The following MGAT4C variants were observed in gnomAD, a reference collection of about 807,000 sequenced individuals.
MGAT4C encodes alpha-1,3-mannosyl-glycoprotein 4-beta-N-acetylglucosaminyltransferase C.
A neutral mutation model predicts 40.1 loss-of-function variants in MGAT4C; 19 were observed. That is an observed-to-expected ratio of 0.47 (90% confidence interval 0.33 to 0.70). The LOEUF (loss-of-function observed/expected upper bound fraction) is 0.70, where lower values mean the gene tolerates loss of function less well. Among genes scored for constraint, MGAT4C ranks in the 30% least tolerant of loss-of-function variants. The probability of loss-of-function intolerance (pLI) is 0.02; values close to 1 mark genes in which losing one functional copy is unlikely to be tolerated. For missense variants in MGAT4C, 491 were observed against 563.2 expected, an observed-to-expected ratio of 0.87 and a Z score of 1.30; for synonymous variants, 181 against 187.1, an observed-to-expected ratio of 0.97 and a Z score of 0.27.
At chr12:86,380,259 T>TA (rs1955903803) in intron 3 of MGAT4C, among the ~76,000 whole-genome samples, 1 of 152,072 alleles carries the variant, frequency 6.6e-6, no homozygotes, top group African/African-American at 2.4e-5. Flanking sequence ...ACACTGACAT[T>TA]AAAAATAACA....
intron 1 of MGAT4C, among the ~76,000 whole-genome samples, chr12:86,243,514 A>G (rs1210250902): frequency 1.3e-5 from 2 of 152,216 alleles, no homozygotes; most frequent in African/African-American, 4.8e-5. Context: ...AGACTATGTA[A>G]GATTCCATTT....
intron 2 of MGAT4C, among the ~76,000 whole-genome samples, chr12:86,696,214 G>GAA (rs367726480): frequency 3.5e-5 from 5 of 144,024 alleles, no homozygotes; most frequent in Admixed American, 1.4e-4. Flanking sequence ...GTGAGACTCA[G>GAA]AAAAAAAAAA....
intron 4 of MGAT4C, among the ~76,000 whole-genome samples, chr12:86,327,581 T>C (rs1954556178): frequency 6.6e-6 from 1 of 152,060 alleles, no homozygotes; most frequent in African/African-American, 2.4e-5. Flanking sequence ...ATAAATCAAA[T>C]TTGTTTAAGT....
chr12:86,562,272 T>C (rs1959904498), intron 2 of MGAT4C, among the ~76,000 whole-genome samples: 1 of 152,134 alleles, frequency 6.6e-6, no homozygotes, highest in Admixed American at 6.5e-5. Flanking sequence ...CAAGCTCTTA[T>C]GTGAGTGGCT....
In MGAT4C at chr12:86,005,152, C is replaced by T. The variant is rs372282708; in HGVS notation, c.-6-15600G>A. On this transcript the variant is annotated intron_variant, in intron 2 of 4. Transcript: ENST00000611864. ...TGCCTTGTGTCTCCTTGCCAATAAA[C>T]TCATGATAAAACCTTTATTTTCTCA... 2.0e-5 allele frequency among the ~76,000 whole-genome samples: 3 copies of T among 152,286 alleles called. No homozygotes were observed. In the South Asian group the frequency reaches 6.2e-4, roughly 32 times the overall value.
chr12:86,126,728 T>C (rs1175924752), intron 1 of MGAT4C, among the ~76,000 whole-genome samples: 1 of 152,176 alleles, frequency 6.6e-6, no homozygotes, highest in African/African-American at 2.4e-5. Context: ...AACAGGAATA[T>C]GTTCTGAGAA....
At chr12:86,004,394 T>A (rs953207899) in intron 2 of MGAT4C, among the ~76,000 whole-genome samples, 1 of 152,168 alleles carries the variant, frequency 6.6e-6, no homozygotes, top group Non-Finnish European at 1.5e-5. Context: ...ATAGCCAAAT[T>A]ATCTTGTCAT....
intron 1 of MGAT4C, among the ~76,000 whole-genome samples, chr12:86,803,070 T>A (rs1952264852): frequency 7.1e-6 from 1 of 140,194 alleles, no homozygotes; most frequent in Non-Finnish European, 1.6e-5. Context: ...AACAGAGATA[T>A]AGATCAATGG....
intron 2 of MGAT4C, 63 bp from the exon 3 acceptor site, chr12:85,989,615 A>G (rs1308918728): frequency 7.0e-7 from 1 of 1,438,496 alleles, no homozygotes; most frequent in Non-Finnish European, 9.4e-7. Flanking sequence ...TCTTTATCGC[A>G]TATATAAAAG....
At chr12:86,523,255 C>T (rs569447393) in intron 2 of MGAT4C, among the ~76,000 whole-genome samples, 13 of 152,066 alleles carry the variant, frequency 8.5e-5, no homozygotes, top group Non-Finnish European at 1.6e-4. Flanking sequence ...CTTAATACTG[C>T]CTTTGCTGTT....
At chr12:86,613,111 A>G (rs1398232039) in intron 2 of MGAT4C, among the ~76,000 whole-genome samples, 6 of 152,188 alleles carry the variant, frequency 3.9e-5, no homozygotes, top group African/African-American at 1.4e-4. Flanking sequence ...TTCTACAATT[A>G]TATATCTAAA....
intron 1 of MGAT4C, among the ~76,000 whole-genome samples, chr12:86,085,650 A>G (rs7136697): frequency 0.23 from 34,816 of 151,960 alleles, 5,680 homozygotes; most frequent in African/African-American, 0.46. Flanking sequence ...TTTCACAAAG[A>G]GGTAATATCC....
At chr12:86,706,301 A>G (rs1049184138) in intron 2 of MGAT4C, among the ~76,000 whole-genome samples, 29 of 152,218 alleles carry the variant, frequency 1.9e-4, no homozygotes, top group Non-Finnish European at 3.4e-4. Context: ...AAGATTGTAA[A>G]TTTTAACATA....
chr12:86,758,132 G>A (rs557295762), intron 1 of MGAT4C, among the ~76,000 whole-genome samples: 1 of 152,034 alleles, frequency 6.6e-6, no homozygotes, highest in Non-Finnish European at 1.5e-5. Flanking sequence ...CTTACATCAT[G>A]AGCTTCTACT....
chr12:86,114,841 A>T (rs1409244019), intron 1 of MGAT4C, among the ~76,000 whole-genome samples: 1 of 151,882 alleles, frequency 6.6e-6, no homozygotes, highest in East Asian at 1.9e-4. Context: ...AGATGTTAAA[A>T]TCTATTACCT....
At chr12:86,815,148 A>C (rs1952574579) in intron 1 of MGAT4C, among the ~76,000 whole-genome samples, 1 of 152,078 alleles carries the variant, frequency 6.6e-6, no homozygotes, top group East Asian at 1.9e-4. Context: ...CAAACAAATC[A>C]GTAAGAGAAA....
chr12:86,244,707 A>G (rs1302656478), intron 1 of MGAT4C, among the ~76,000 whole-genome samples: 1 of 152,216 alleles, frequency 6.6e-6, no homozygotes, highest in Non-Finnish European at 1.5e-5. Context: ...CTATGAGCAC[A>G]AAAGAGGGAC....
In MGAT4C at chr12:86,642,300, C is replaced by T. The variant is rs371440921; in HGVS notation, c.-229+84909G>A. On this transcript the variant is annotated intron_variant, in intron 2 of 7. Coordinates refer to the MGAT4C transcript ENST00000548651. ...ATATGTTCCTGATCAGTTTAAATGA[C>T]CAAGTGTGCATAAATCTACATGGCT... Among the ~76,000 whole-genome samples, 4 of 151,744 alleles carry T rather than the reference C, an allele frequency of 2.6e-5. No individual in the cohort carries two copies. In the East Asian group the frequency reaches 7.8e-4, roughly 29 times the overall value.
In MGAT4C at chr12:85,983,663, T is replaced by C; in HGVS notation, c.155A>G (p.Asp52Gly). The change falls in exon 4 of 5, where the codon GAC (aspartate) becomes GGC (glycine). Residue 52 changes from aspartate to glycine, a missense_variant. Asp to Gly is a moderately conservative substitution (Grantham distance 94). Transcript: ENST00000611864. ...GGATGTTTCCCTTATAAGTTGTTTG[T>C]CTCCTTCCTAAATACCAAGAAAGAA... is the stretch of plus-strand genomic sequence containing the variant. ...YIEDSYVLEG[D>G]KQLIRETSTH... 1 of 1,571,866 alleles carries C rather than the reference T, an allele frequency of 6.4e-7. No homozygotes were observed.
Sources: allele counts gnomAD v4.1 joint callset (sites outside exome capture counted in the v4.1 genomes callset), GRCh38; gene constraint gnomAD v4.1.1; transcripts MANE v1.5; gene names NCBI Gene and HGNC (gene_info 2026-07-23, HGNC 2026-07-21).